The following NSD3 variants were observed in gnomAD, a reference collection of about 807,000 sequenced individuals.
NSD3 encodes nuclear receptor binding SET domain protein 3.
In NSD3, 24 loss-of-function variants were observed where a neutral mutation model predicts 160.8. That is an observed-to-expected ratio of 0.15 (90% CI 0.11 to 0.21). NSD3 has a LOEUF of 0.21. Among genes scored for constraint, NSD3 ranks in the 10% least tolerant of loss-of-function variants. NSD3 has a pLI of 1.00. For missense variants in NSD3, 1,157 were observed against 1,735.9 expected (o/e 0.67, Z 5.93); for synonymous variants, 520 against 600.0 (o/e 0.87, Z 1.95).
At chr8:38,374,669 A>AG (rs948234184) in intron 1 of NSD3, among the ~76,000 whole-genome samples, 5 of 152,200 alleles carry the variant, frequency 3.3e-5, no homozygotes, top group African/African-American at 1.2e-4. Context: ...TTTGGCCTGA[A>AG]GGGGTCTCTG....
intron 7 of NSD3, among the ~76,000 whole-genome samples, chr8:38,322,557 C>T (rs1461300585): frequency 6.6e-6 from 1 of 152,168 alleles, no homozygotes; most frequent in Non-Finnish European, 1.5e-5. Context: ...AATATAATCA[C>T]ACCATGAAGA....
At chr8:38,310,031 T>A (rs918271955) in intron 12 of NSD3, among the ~76,000 whole-genome samples, 23 of 152,324 alleles carry the variant, frequency 1.5e-4, no homozygotes, top group East Asian at 3.9e-4. Context: ...TTAATTTTTT[T>A]AATAATTGTG....
chr8:38,317,842 T>A lies in NSD3; in HGVS notation c.1855+1053A>T. 6.6e-7 allele frequency: 1 copy of A among 1,523,546 alleles called. No homozygotes were observed. 94.4% of individuals were successfully genotyped at this position (1,523,546 alleles called of 1,614,324 possible). A position where few individuals can be genotyped will look rare whatever the true frequency, so the allele number is the denominator to read the frequency against. ...CCAGGCAGGAAAATGCCAATAATGA[T>A]GATTGGCGAAATCAAAATCGAAAAC... On this transcript the variant is annotated intron_variant, in intron 9 of 23. Transcript: ENST00000317025. The surrounding 1 kb of genome is among the most constrained non-coding windows in gnomAD (Gnocchi z 5.3).
At chr8:38,290,020 A>T (rs1346182995) in intron 17 of NSD3, among the ~76,000 whole-genome samples, 1 of 152,154 alleles carries the variant, frequency 6.6e-6, no homozygotes, top group Non-Finnish European at 1.5e-5. Flanking sequence ...GTTCAAGACC[A>T]GCCTGGGCAA....
In NSD3 at chr8:38,372,922, G is replaced by A. The variant is rs1391893561; in HGVS notation, c.-45+8877C>T. ...AAAAATTAGCCGGGTGTGGTGATGG[G>A]CACCTGTAGTCGAGCTACTCGGAAG... is the stretch of plus-strand genomic sequence containing the variant. On this transcript the variant is annotated intron_variant, in intron 1 of 23. Transcript: ENST00000317025. Among the ~76,000 whole-genome samples, 3 of 140,224 alleles carry A rather than the reference G, an allele frequency of 2.1e-5. No homozygotes were observed. The East Asian group carries it at 7.0e-4, about 33-fold the overall frequency. The allele number at this position is 140,224 out of a possible 152,430, so 92.0% of individuals were successfully genotyped here. A position where few individuals can be genotyped will look rare whatever the true frequency, so the allele number is the denominator to read the frequency against.
intron 1 of NSD3, among the ~76,000 whole-genome samples, chr8:38,348,829 T>A (rs1810597994): frequency 6.6e-6 from 1 of 151,982 alleles, no homozygotes; most frequent in African/African-American, 2.4e-5. Context: ...CCCAGCTAAT[T>A]TTTGTATTTT....
At chr8:38,290,789 A>C in intron 16 of NSD3, 112 bp from the exon 17 acceptor site, 1 of 958,734 alleles carries the variant, frequency 1.0e-6, no homozygotes, top group South Asian at 1.6e-5. Context: ...TTTCATTCAG[A>C]TTCTAAGAAC....
In NSD3 at chr8:38,318,236, T is replaced by C. The variant is rs1437996927; in HGVS notation, c.1855+659A>G. Among the ~76,000 whole-genome samples, 4 of 152,146 alleles carry C rather than the reference T, an allele frequency of 2.6e-5. No homozygotes were observed. Among genetic ancestry groups the C allele is most frequent in the African/African-American group, 9.7e-5 (4 of 41,436 alleles). ...GTTGTTTTATTTTATTTTTAAATAA[T>C]GCAATTTGCCCAGAGTAAACTACAG... On this transcript the variant is annotated intron_variant, in intron 9 of 23. Coordinates refer to ENST00000317025, the MANE Select transcript of NSD3 (RefSeq NM_023034.2). The surrounding 1 kb of genome is among the most constrained non-coding windows in gnomAD (Gnocchi z 5.3).
rs752637447 is a variant in NSD3 at position 38,333,722 on chromosome 8, CCGGGCGCGGTGG to C, written c.911-2149_911-2138del. Among the ~76,000 whole-genome samples the C allele has an allele frequency of 2.2e-4, 33 of 151,790 alleles. 1 individual carries two copies. Among genetic ancestry groups the C allele is most frequent in the Non-Finnish European group, 2.9e-4 (20 of 67,900 alleles). On this transcript the variant is annotated intron_variant, in intron 4 of 23. Transcript: ENST00000317025. The stretch of plus-strand genomic sequence containing the variant: ...CTCTACTAAAAATACAAAAAATTAG[CCGGGCGCGGTGG>C]CGGGCGCCTGTAGTCCCAGCTACTC...
rs941415301 is a variant in NSD3 at position 38,273,946 on chromosome 8, T to C, written c.*1695A>G. 6.6e-6 allele frequency: 1 copy of C among 152,060 alleles called. No individual in the cohort carries two copies. The highest frequency in any genetic ancestry group is 1.5e-5 in the Non-Finnish European group (1 of 67,996). The allele number at this position is 152,060 out of a possible 1,614,324, so 9.4% of individuals were successfully genotyped here. On this transcript the variant is annotated 3_prime_UTR_variant, in exon 24 of 24. Transcript: ENST00000317025. ...AATCCAGTATAATTGCACATTTACA[T>C]ACAAAAAAAAGAGGCACAAAACAGA...
chr8:38,341,714 G>A (rs1263880860), intron 2 of NSD3, among the ~76,000 whole-genome samples: 2 of 152,104 alleles, frequency 1.3e-5, no homozygotes, highest in Admixed American at 1.3e-4. Context: ...GACTTTGAGA[G>A]GCTGGGGCAG....
At chr8:38,326,147 C>CAA (rs555329851) in intron 7 of NSD3, among the ~76,000 whole-genome samples, 1 of 131,746 alleles carries the variant, frequency 7.6e-6, no homozygotes, top group Non-Finnish European at 1.6e-5. Context: ...GACTCTGTCT[C>CAA]AAAAAAAAAA....
intron 17 of NSD3, among the ~76,000 whole-genome samples, chr8:38,290,043 C>G (rs1390911289): frequency 6.6e-6 from 1 of 152,000 alleles, no homozygotes; most frequent in Non-Finnish European, 1.5e-5. Flanking sequence ...TGGTGAAACC[C>G]TATCTCTATA....
Position 38,321,272 on chromosome 8 carries a change from T to TCAAA in NSD3, c.1709-101_1709-100insTTTG, listed in dbSNP as rs1809791625. 4 of 897,496 alleles carry TCAAA rather than the reference T, an allele frequency of 4.5e-6. No homozygotes were observed. The highest frequency in any genetic ancestry group is 6.6e-6 in the Non-Finnish European group (4 of 601,648). The allele number at this position is 897,496 out of a possible 1,614,324, so 55.6% of individuals were successfully genotyped here. On this transcript the variant is annotated intron_variant, in intron 7 of 23. Coordinates refer to ENST00000317025, the MANE Select transcript of NSD3 (RefSeq NM_023034.2). The surrounding 1 kb of genome is among the most constrained non-coding windows in gnomAD (Gnocchi z 4.7). Reference sequence around the variant, plus strand: ...CACATTCCTTGCTTTTCTTACCCATTACTTTTGGAATTTTAATTAAAATCA... The same window carrying TCAAA: ...CACATTCCTTGCTTTTCTTACCCATTCAAAACTTTTGGAATTTTAATTAAAATCA...
In NSD3 at chr8:38,304,750, C is replaced by T; in HGVS notation, c.2448G>A (p.Met816Ile). 6.2e-7 allele frequency: 1 copy of T among 1,605,692 alleles called. No individual in the cohort carries two copies. Among genetic ancestry groups the T allele is most frequent in the Non-Finnish European group, 8.5e-7 (1 of 1,177,216 alleles). The change falls in exon 14 of 24, where the codon ATG becomes ATA. Residue 816 changes from methionine to isoleucine, a missense_variant. Around this residue, in one of 10 missense-constraint regions of NSD3, gnomAD observed 437 missense variants for 576.6 expected, o/e 0.76. Transcript: ENST00000317025. ...KDIHKASKGR[M>I]MRCLRCPVAY... is the part of the protein sequence containing the mutation. ...CAACTGGACATCTTAAACATCTCATCATGCGGCCTGTTTAAAGACAAGTCA... is the reference window on the plus strand; with the variant it reads ...CAACTGGACATCTTAAACATCTCATTATGCGGCCTGTTTAAAGACAAGTCA...
In NSD3 at chr8:38,272,337, CT is replaced by C. The variant is rs1188992737; in HGVS notation, c.*3303del. On this transcript the variant is annotated 3_prime_UTR_variant, in exon 24 of 24. Transcript: ENST00000317025. Reference sequence around the variant, plus strand: ...TTGAGAATTAAGATAAGAGTGGGAACTTGTTAAAACAAAAATGAAAATAAAA... The same window carrying C: ...TTGAGAATTAAGATAAGAGTGGGAACTGTTAAAACAAAAATGAAAATAAAA... 6.6e-6 allele frequency: 1 copy of C among 152,182 alleles called. No homozygotes were observed. The highest frequency in any genetic ancestry group is 1.5e-5 in the Non-Finnish European group (1 of 68,030). 9.4% of individuals were successfully genotyped at this position (152,182 alleles called of 1,614,324 possible).
rs1412740177 is a variant in NSD3, at chr8:38,307,129, TAAAATA to T, written c.2243-1690_2243-1685del. Reference sequence around the variant, plus strand: ...GATACCGTCTCAAAAAAAAAAAAAATAAAATAAAATAAATAAATAAATAAATAAATA... The same window carrying T: ...GATACCGTCTCAAAAAAAAAAAAAATAAATAAATAAATAAATAAATAAATA... On this transcript the variant is annotated intron_variant, in intron 12 of 23. Coordinates refer to ENST00000317025, the MANE Select transcript of NSD3 (RefSeq NM_023034.2). Among the ~76,000 whole-genome samples, 103 of 135,462 alleles carry T rather than the reference TAAAATA, an allele frequency of 7.6e-4. 1 individual carries two copies. The highest frequency in any genetic ancestry group is 2.5e-3 in the African/African-American group (93 of 37,048). The allele number at this position is 135,462 out of a possible 152,430, so 88.9% of individuals were successfully genotyped here.
intron 12 of NSD3, among the ~76,000 whole-genome samples, chr8:38,308,922 T>C (rs1809469569): frequency 6.6e-6 from 1 of 152,164 alleles, no homozygotes; most frequent in Non-Finnish European, 1.5e-5. Flanking sequence ...AGAGCTGAAC[T>C]ATCAAACTCC....
At position 38,278,442 on chromosome 8, in the gene NSD3, C is replaced by T. The variant is rs1808663501; in HGVS notation, c.3761-30G>A. The T allele has an allele frequency of 4.5e-6, 7 of 1,566,200 alleles. No homozygotes were observed. In the East Asian group the frequency reaches 1.6e-4, roughly 37 times the overall value. On this transcript the variant is annotated intron_variant, in intron 21 of 23. Coordinates refer to ENST00000317025, the MANE Select transcript of NSD3 (RefSeq NM_023034.2). Reference sequence around the variant, plus strand: ...AACACAGGAGAAATAATTATTCAAACTCGAGTCATGGGGAAGAGAAAAGCT... The same window carrying T: ...AACACAGGAGAAATAATTATTCAAATTCGAGTCATGGGGAAGAGAAAAGCT...
Sources: allele counts gnomAD v4.1 joint callset (sites outside exome capture counted in the v4.1 genomes callset), GRCh38; gene constraint gnomAD v4.1.1; regional missense constraint gnomAD v4.1.1; non-coding constraint Gnocchi (gnomAD v3.1); transcripts MANE v1.5; gene names NCBI Gene and HGNC (gene_info 2026-07-23, HGNC 2026-07-21).